RPAP2: variants seen among roughly 807,000 people sequenced by gnomAD.
RPAP2 encodes the protein RNA polymerase II associated protein 2, also known as putative RNA polymerase II subunit B1 CTD phosphatase RPAP2.
RPAP2 carries 52 observed loss-of-function variants against 73.1 expected under a neutral mutation model. The ratio of observed to expected loss-of-function variants is 0.71; its 90% CI spans 0.57 to 0.90. The LOEUF is 0.90. RPAP2 is among the 40% of genes least tolerant of loss of function. The probability of loss-of-function intolerance (pLI) is 0.00; values close to 1 mark genes in which losing one functional copy is unlikely to be tolerated. For missense variants in RPAP2, 598 were observed against 701.8 expected (o/e 0.85, Z 1.67); for synonymous variants, 225 against 242.1 (o/e 0.93, Z 0.65).
chr1:92,315,185 C>A (rs373792499), intron 6 of RPAP2, among the ~76,000 whole-genome samples: 6 of 151,738 alleles, frequency 4.0e-5, no homozygotes, highest in Admixed American at 3.9e-4. Context: ...TACTAATTGG[C>A]CTAATTTCAA....
intron 11 of RPAP2, among the ~76,000 whole-genome samples, chr1:92,356,606 T>G (rs2101365987): frequency 6.9e-6 from 1 of 145,218 alleles, no homozygotes; most frequent in East Asian, 2.0e-4. Context: ...TTTTTTTTTC[T>G]GTATTTTTAG....
rs1656072173 is a variant in RPAP2, at chr1:92,392,260, T to A, written c.*5249T>A. 1 of 152,090 alleles carries A rather than the reference T, an allele frequency of 6.6e-6. No homozygotes were observed. The highest frequency in any genetic ancestry group is 1.5e-5 in the Non-Finnish European group (1 of 68,018). The allele number at this position is 152,090 out of a possible 1,614,324, so 9.4% of individuals were successfully genotyped here. On this transcript the variant is annotated 3_prime_UTR_variant, in exon 13 of 13. Coordinates refer to ENST00000610020, the MANE Select transcript of RPAP2 (RefSeq NM_024813.3). ...AAATCAATAAACATAATCCATCACA[T>A]AAACAGAACCAACGGCAAAAACCAC...
intron 11 of RPAP2, among the ~76,000 whole-genome samples, chr1:92,379,158 T>TA (rs1655510937): frequency 6.6e-6 from 1 of 152,248 alleles, no homozygotes. Context: ...AGAAAACACT[T>TA]ACATTTCACA....
intron 6 of RPAP2, among the ~76,000 whole-genome samples, chr1:92,313,115 C>T (rs959291819): frequency 6.6e-6 from 1 of 152,194 alleles, no homozygotes; most frequent in African/African-American, 2.4e-5. Flanking sequence ...AATCCACGCA[C>T]CTTGGCTTCC....
intron 11 of RPAP2, among the ~76,000 whole-genome samples, chr1:92,375,993 CTG>C (rs1655371315): frequency 7.3e-6 from 1 of 136,828 alleles, no homozygotes; most frequent in East Asian, 2.1e-4. Context: ...GAGTGAGACT[CTG>C]TCTCAAAAAA....
rs139317506 is a variant in RPAP2 at position 92,361,002 on chromosome 1, C to T, written c.1688+15088C>T. 8.6e-5 allele frequency among the ~76,000 whole-genome samples: 13 copies of T among 151,650 alleles called. No individual in the cohort carries two copies. The East Asian group carries it at 2.5e-3, about 29-fold the overall frequency. ...TCTCATATTCATGACTTTTACCTTCCCCTGCCTTCTCACCTTCCATGACCC... is the reference window on the plus strand; with the variant it reads ...TCTCATATTCATGACTTTTACCTTCTCCTGCCTTCTCACCTTCCATGACCC... On this transcript the variant is annotated intron_variant, in intron 11 of 12. Transcript: ENST00000610020.
chr1:92,372,184 C>CAAG (rs1346252721), intron 11 of RPAP2, among the ~76,000 whole-genome samples: 1 of 152,072 alleles, frequency 6.6e-6, no homozygotes, highest in African/African-American at 2.4e-5. Context: ...TTCCCTTGGC[C>CAAG]AAGTAAATCT....
intron 11 of RPAP2, among the ~76,000 whole-genome samples, chr1:92,361,806 A>C (rs1193480789): frequency 6.6e-6 from 1 of 152,082 alleles, no homozygotes; most frequent in African/African-American, 2.4e-5. Flanking sequence ...TTGATTCAAA[A>C]CTTTATTCCA....
chr1:92,374,350 C>G (rs1338899721), intron 11 of RPAP2, among the ~76,000 whole-genome samples: 2 of 152,170 alleles, frequency 1.3e-5, no homozygotes, highest in African/African-American at 4.8e-5. Flanking sequence ...AAGAACAGTT[C>G]TGGTATTAAG....
At chr1:92,384,125 T>C (rs926724590) in intron 12 of RPAP2, among the ~76,000 whole-genome samples, 4 of 151,562 alleles carry the variant, frequency 2.6e-5, no homozygotes, top group African/African-American at 9.7e-5. Flanking sequence ...GCCCAGCTAA[T>C]TTTTGTATTT....
chr1:92,328,064 C>T (rs569820179), intron 8 of RPAP2, among the ~76,000 whole-genome samples: 2 of 152,302 alleles, frequency 1.3e-5, no homozygotes, highest in East Asian at 3.9e-4. Context: ...TTATCTGATG[C>T]TTTTGCCTCA....
intron 11 of RPAP2, among the ~76,000 whole-genome samples, chr1:92,371,563 A>G (rs1655155742): frequency 6.6e-6 from 1 of 151,880 alleles, no homozygotes; most frequent in African/African-American, 2.4e-5. Context: ...TAAAGAAAAT[A>G]TGGTATATAT....
intron 11 of RPAP2, among the ~76,000 whole-genome samples, chr1:92,373,591 T>C (rs1335526501): frequency 6.6e-6 from 1 of 151,806 alleles, no homozygotes; most frequent in South Asian, 2.1e-4. Flanking sequence ...GACTGAGTTA[T>C]TCATTTTAAA....
At chr1:92,363,407 ATAC>A (rs1275688901) in intron 11 of RPAP2, among the ~76,000 whole-genome samples, 7 of 152,322 alleles carry the variant, frequency 4.6e-5, no homozygotes, top group African/African-American at 1.7e-4. Context: ...CAGGAGAGAA[ATAC>A]TACATCTTCT....
chr1:92,306,419 T>C (rs919934634), intron 5 of RPAP2, among the ~76,000 whole-genome samples: 1 of 152,234 alleles, frequency 6.6e-6, no homozygotes, highest in Admixed American at 6.5e-5. Context: ...AAAAAAAGTT[T>C]ATAGTAACAT....
rs192111925 is a variant in RPAP2, at chr1:92,348,323, C to G, written c.1688+2409C>G. 3.3e-3 allele frequency among the ~76,000 whole-genome samples: 500 copies of G among 152,348 alleles called. 7 individuals are homozygous for G. Among genetic ancestry groups the G allele is most frequent in the Non-Finnish European group, 4.4e-3 (296 of 68,032 alleles). On this transcript the variant is annotated intron_variant, in intron 11 of 12. Transcript: ENST00000610020. ...CTTCCTTCTCCTAGTCATTGGTCAA[C>G]TGGACAACTAAAATCTTCCCCAGTT...
intron 11 of RPAP2, among the ~76,000 whole-genome samples, chr1:92,371,875 G>A (rs1196874221): frequency 7.8e-6 from 1 of 127,876 alleles, no homozygotes; most frequent in African/African-American, 3.1e-5. Flanking sequence ...CTGGGTGACA[G>A]TGAGACCCTG....
rs377707639 is a variant in RPAP2 at position 92,385,291 on chromosome 1, A to G, written c.*-1720A>G. Among the ~76,000 whole-genome samples the G allele has an allele frequency of 8.3e-4, 127 of 152,324 alleles. 1 individual carries two copies. In the South Asian group the frequency reaches 0.024, roughly 28 times the overall value. ...CCAATTAAAAATCATTTTAACTAGC[A>G]TATTTTAAACTTGTACATAAACAGA... On this transcript the variant is annotated intron_variant, in intron 12 of 12. Transcript: ENST00000610020.
At chr1:92,369,364 G>A (rs151094976) in intron 11 of RPAP2, among the ~76,000 whole-genome samples, 1 of 152,138 alleles carries the variant, frequency 6.6e-6, no homozygotes, top group Non-Finnish European at 1.5e-5. Context: ...TGATCATAGC[G>A]CACTGTAAAC....
Sources: gnomAD v4.1 joint callset for allele counts (sites outside exome capture counted in the v4.1 genomes callset) on GRCh38, gnomAD v4.1.1 for gene constraint, MANE v1.5 for transcripts, NCBI Gene and HGNC (gene_info 2026-07-23, HGNC 2026-07-21) for gene names.